The following ACAD9 variants were observed in gnomAD, a reference collection of about 807,000 sequenced individuals.
The protein encoded by ACAD9 is acyl-CoA dehydrogenase family member 9.
In ACAD9, 53 loss-of-function variants were observed where a neutral mutation model predicts 70.2. The ratio of observed to expected loss-of-function variants is 0.75; its 90% confidence interval spans 0.61 to 0.95. The LOEUF (loss-of-function observed/expected upper bound fraction) is 0.95, where lower values mean the gene tolerates loss of function less well. Ranked by LOEUF, ACAD9 falls within the 40% of genes least tolerant of loss-of-function variation. The pLI is 0.00. For synonymous variants in ACAD9, 313 were observed against 312.1 expected, an observed-to-expected ratio of 1.00 and a Z score of -0.03; for missense variants, 777 against 802.8, an observed-to-expected ratio of 0.97 and a Z score of 0.39.
Position 128,910,107 on chromosome 3 carries a change from C to G in ACAD9, c.1650C>G (p.Ala550=), listed in dbSNP as rs559422558. The change falls in exon 16 of 18, where the codon GCC becomes GCG. Residue 550 remains alanine, a synonymous_variant. Coordinates refer to ENST00000308982, the MANE Select transcript of ACAD9 (RefSeq NM_014049.5). The stretch of plus-strand genomic sequence containing the variant: ...GCATGACGGCCGTGCTGTCGCGGGC[C>G]AGCCGCTCCATCCGCATTGGGCTCC... The part of the protein sequence containing the change: ...LYGMTAVLSR[A]SRSIRIGLRN... 83 of 1,613,982 alleles carry G rather than the reference C, an allele frequency of 5.1e-5. No individual in the cohort carries two copies. The highest frequency in any genetic ancestry group is 5.0e-4 in the Middle Eastern group (3 of 6,058).
intron 13 of ACAD9, 118 bp from the exon 14 acceptor site, chr3:128,908,855 C>A: frequency 6.6e-7 from 1 of 1,526,558 alleles, no homozygotes; most frequent in Non-Finnish European, 9.0e-7. Flanking sequence ...TAGCCAGGGG[C>A]CCAGCATACC....
chr3:128,887,644 A>AT (rs1935291126), intron 2 of ACAD9, among the ~76,000 whole-genome samples: 2 of 133,104 alleles, frequency 1.5e-5, no homozygotes, highest in East Asian at 2.1e-4. Flanking sequence ...AAAATAAATA[A>AT]ATATATATAT....
chr3:128,899,818 G>A (rs1935684597), intron 7 of ACAD9, among the ~76,000 whole-genome samples: 1 of 152,168 alleles, frequency 6.6e-6, no homozygotes, highest in South Asian at 2.1e-4. Context: ...GCAGTGCCTG[G>A]CAGCCTGCTT....
At chr3:128,895,110 C>G (rs141219737) in intron 3 of ACAD9, among the ~76,000 whole-genome samples, 200 bp from the exon 4 acceptor site, 3 of 151,824 alleles carry the variant, frequency 2.0e-5, no homozygotes, top group African/African-American at 7.2e-5. Flanking sequence ...CTGTTGACCT[C>G]AGGTGATCTG....
intron 6 of ACAD9, 90 bp from the exon 7 acceptor site, chr3:128,899,197 C>A: frequency 7.0e-7 from 1 of 1,418,766 alleles, no homozygotes; most frequent in Non-Finnish European, 9.9e-7. Flanking sequence ...TGAGGTCTGA[C>A]TGGCAGCTGG....
chr3:128,910,836 GGGAA>G, intron 17 of ACAD9, 23 bp downstream of exon 17: 1 of 1,613,234 alleles, frequency 6.2e-7, no homozygotes, highest in Non-Finnish European at 8.5e-7. Flanking sequence ...TCTTGGGGGA[GGGAA>G]GGAAGGGCCC....
chr3:128,881,281 C>A (rs1357367688), intron 1 of ACAD9, among the ~76,000 whole-genome samples: 1 of 152,228 alleles, frequency 6.6e-6, no homozygotes, highest in Non-Finnish European at 1.5e-5. Flanking sequence ...ACAGATCTTT[C>A]AGATCTGTTT....
chr3:128,886,998 C>T lies in ACAD9; in HGVS notation c.244+2252C>T, dbSNP rs575595665. On this transcript the variant is annotated intron_variant, in intron 2 of 17. Transcript: ENST00000308982. ...CCAGGCTGGAGTGCAGTGGTACGAC[C>T]TCAGCTCACTGCAACCTCTGCAGTT... is the stretch of plus-strand genomic sequence containing the variant. Among the ~76,000 whole-genome samples, 323 of 152,058 alleles carry T rather than the reference C, an allele frequency of 2.1e-3. 1 individual carries two copies. Among genetic ancestry groups the T allele is most frequent in the South Asian group, 3.5e-3 (17 of 4,824 alleles).
Position 128,908,216 on chromosome 3 carries a change from C to T in ACAD9, c.1310C>T (p.Ala437Val). 1 of 1,614,190 alleles carries T rather than the reference C, an allele frequency of 6.2e-7. No homozygotes were observed. The highest frequency in any genetic ancestry group is 8.5e-7 in the Non-Finnish European group (1 of 1,180,028). ...AATGAGATTCTCCGGATGTACATCG[C>T]CCTGACGGGTCTGCAGCATGCCGGC... The part of the protein sequence containing the change: ...GTNEILRMYI[A>V]LTGLQHAGRI... The change falls in exon 13 of 18, where the codon GCC becomes GTC. Residue 437 changes from alanine (A) to valine (V), a missense_variant. Ala to Val is a moderately conservative substitution (Grantham distance 64). Coordinates refer to ENST00000308982, the MANE Select transcript of ACAD9 (RefSeq NM_014049.5).
chr3:128,889,141 CTT>C (rs1176516019), intron 2 of ACAD9, among the ~76,000 whole-genome samples: 3 of 148,692 alleles, frequency 2.0e-5, no homozygotes, highest in South Asian at 4.2e-4. Context: ...TGCTGTACAG[CTT>C]TTTTGTTTTG....
chr3:128,901,746 A>G (rs1935746393), intron 8 of ACAD9, among the ~76,000 whole-genome samples: 1 of 152,172 alleles, frequency 6.6e-6, no homozygotes, highest in Non-Finnish European at 1.5e-5. Flanking sequence ...TCATATGACA[A>G]AGGACTCACC....
At chr3:128,880,914 A>C (rs1422392107) in intron 1 of ACAD9, among the ~76,000 whole-genome samples, 1 of 152,172 alleles carries the variant, frequency 6.6e-6, no homozygotes, top group East Asian at 1.9e-4. Flanking sequence ...GAATAAACAC[A>C]TTTCTTGCTC....
chr3:128,882,515 A>T (rs1440492944), intron 1 of ACAD9, among the ~76,000 whole-genome samples: 1 of 152,202 alleles, frequency 6.6e-6, no homozygotes, highest in Admixed American at 6.5e-5. Flanking sequence ...CCTTACTGGG[A>T]TTAGAGCAGA....
chr3:128,910,377 G>A, intron 16 of ACAD9: 1 of 1,451,370 alleles, frequency 6.9e-7, no homozygotes, highest in South Asian at 1.4e-5. Context: ...TGATCCCAGT[G>A]CCCCTACCCC....
At chr3:128,911,181 C>T (rs569400549) in intron 17 of ACAD9, among the ~76,000 whole-genome samples, 4 of 152,018 alleles carry the variant, frequency 2.6e-5, no homozygotes, top group South Asian at 2.1e-4. Context: ...CCCAGCCTCC[C>T]GAGTAGCTGG....
At position 128,887,687 on chromosome 3, in the gene ACAD9, C is replaced by T. The variant is rs528349452; in HGVS notation, c.244+2941C>T. Reference sequence around the variant, plus strand: ...TATATATGCAAGAAACCACTGCAAACCAAACCCACTCCCTCTCACAGGAAC... The same window carrying T: ...TATATATGCAAGAAACCACTGCAAATCAAACCCACTCCCTCTCACAGGAAC... On this transcript the variant is annotated intron_variant, in intron 2 of 17. Coordinates refer to ENST00000308982, the MANE Select transcript of ACAD9 (RefSeq NM_014049.5). Among the ~76,000 whole-genome samples, 429 of 140,132 alleles carry T rather than the reference C, an allele frequency of 3.1e-3. 2 individuals are homozygous for T. Among genetic ancestry groups the T allele is most frequent in the African/African-American group, 0.011 (409 of 37,880 alleles). 91.9% of individuals were successfully genotyped at this position (140,132 alleles called of 152,430 possible).
chr3:128,909,181 G>A (rs1936023048), intron 14 of ACAD9, 82 bp downstream of exon 14: 3 of 1,603,246 alleles, frequency 1.9e-6, no homozygotes, highest in African/African-American at 2.7e-5. Flanking sequence ...CTCACTGTGG[G>A]GGGTCTGGGC....
At chr3:128,897,501 T>C in intron 5 of ACAD9, 131 bp from the exon 6 acceptor site, 1 of 784,102 alleles carries the variant, frequency 1.3e-6, no homozygotes, top group Admixed American at 2.0e-5. Context: ...AAGCTGAATA[T>C]GTTATCTGAC....
Position 128,879,710 on chromosome 3 carries a change from T to C in ACAD9, c.19T>C (p.Phe7Leu), listed in dbSNP as rs1355671761. 12 of 1,612,792 alleles carry C rather than the reference T, an allele frequency of 7.4e-6. 1 individual carries two copies. In the Admixed American group the frequency reaches 1.8e-4, roughly 25 times the overall value. ...GGGCAGCATGAGCGGCTGCGGGCTC[T>C]TCCTGCGCACCACGGCTGCGGCTCG... MSGCGLFLRTTAAARAC... is the reference protein window; with the variant it reads MSGCGLLLRTTAAARAC... The change falls in exon 1 of 18, where the codon TTC becomes CTC. Residue 7 changes from phenylalanine to leucine, a missense_variant. Coordinates refer to ENST00000308982, the MANE Select transcript of ACAD9 (RefSeq NM_014049.5).
Sources: allele counts gnomAD v4.1 joint callset (sites outside exome capture counted in the v4.1 genomes callset), GRCh38; gene constraint gnomAD v4.1.1; transcripts MANE v1.5; gene names NCBI Gene and HGNC (gene_info 2026-07-23, HGNC 2026-07-21).